Variants in VWA8 observed in about 807,000 individuals in gnomAD.
The protein encoded by VWA8 is von Willebrand factor A domain-containing protein 8.
A neutral mutation model predicts 241.5 loss-of-function variants in VWA8; 221 were observed. The observed-to-expected ratio is 0.91, with a 90% CI of 0.82 to 1.02. The LOEUF is 1.02. VWA8 is among the 50% of genes least tolerant of loss of function. VWA8 has a pLI of 0.00. For synonymous variants in VWA8, 852 were observed against 827.1 expected (o/e 1.03, Z -0.52); for missense variants, 2,322 against 2,328.7 (o/e 1.00, Z 0.06).
At chr13:41,938,646 G>A (rs1037988553) in intron 2 of VWA8, among the ~76,000 whole-genome samples, 7 of 144,510 alleles carry the variant, frequency 4.8e-5, no homozygotes, top group Admixed American at 1.4e-4. Context: ...GTGAGACTGC[G>A]TCTCAAAAAA....
At chr13:41,650,016 G>C (rs1359849593) in intron 37 of VWA8, among the ~76,000 whole-genome samples, 1 of 151,866 alleles carries the variant, frequency 6.6e-6, no homozygotes, top group Non-Finnish European at 1.5e-5. Flanking sequence ...CCCTTCAAAG[G>C]GTCATTATAC....
chr13:41,925,683 C>T, intron 2 of VWA8: 1 of 189,340 alleles, frequency 5.3e-6, no homozygotes. Context: ...TCCCTGAAAG[C>T]CAAGAAGAAA....
intron 26 of VWA8, among the ~76,000 whole-genome samples, chr13:41,710,554 G>A (rs1197289259): frequency 1.3e-5 from 2 of 152,148 alleles, no homozygotes; most frequent in African/African-American, 2.4e-5. Flanking sequence ...CTTTTGAGAT[G>A]TCATTAAGTA....
chr13:41,863,455 T>TATATATATACA (rs1566485517), intron 12 of VWA8, among the ~76,000 whole-genome samples: 1 of 87,154 alleles, frequency 1.1e-5, no homozygotes, highest in African/African-American at 4.3e-5. Flanking sequence ...ATATATATAT[T>TATATATATACA]CACACACACA....
At chr13:41,609,411 C>A (rs534386460) in intron 39 of VWA8, among the ~76,000 whole-genome samples, 1 of 152,152 alleles carries the variant, frequency 6.6e-6, no homozygotes, top group African/African-American at 2.4e-5. Context: ...TTATATTATG[C>A]AGATACACTT....
intron 34 of VWA8, among the ~76,000 whole-genome samples, chr13:41,687,960 T>C (rs2045148147): frequency 6.6e-6 from 1 of 152,150 alleles, no homozygotes; most frequent in Admixed American, 6.6e-5. Context: ...TACTTCTATA[T>C]TGATTTCTTC....
chr13:41,841,859 A>ATATATAT (rs1566478204), intron 12 of VWA8, among the ~76,000 whole-genome samples: 52 of 74,216 alleles, frequency 7.0e-4, no homozygotes, highest in Non-Finnish European at 9.7e-4. Flanking sequence ...ATATATATAT[A>ATATATAT]AAAACAGTAG....
At chr13:41,640,631 T>C (rs1410424023) in intron 37 of VWA8, among the ~76,000 whole-genome samples, 1 of 152,204 alleles carries the variant, frequency 6.6e-6, no homozygotes, top group Non-Finnish European at 1.5e-5. Flanking sequence ...TTTTTACCCA[T>C]TTTAAAACAC....
At chr13:41,722,234 G>A (rs1171064151) in intron 24 of VWA8, among the ~76,000 whole-genome samples, 1 of 152,132 alleles carries the variant, frequency 6.6e-6, no homozygotes, top group Non-Finnish European at 1.5e-5. Flanking sequence ...TAGAGACATT[G>A]TCTGAATTAA....
intron 2 of VWA8, among the ~76,000 whole-genome samples, chr13:41,940,446 A>T (rs1224236178): frequency 6.6e-6 from 1 of 152,122 alleles, no homozygotes; most frequent in Non-Finnish European, 1.5e-5. Context: ...AAAAAAGTCC[A>T]TCAAAATTCT....
intron 1 of VWA8, among the ~76,000 whole-genome samples, chr13:41,954,339 C>T (rs1232759740): frequency 6.6e-6 from 1 of 152,202 alleles, no homozygotes; most frequent in African/African-American, 2.4e-5. Context: ...ACTCAACAAA[C>T]ACACAGAAAC....
intron 44 of VWA8, 170 bp from the exon 45 acceptor site, chr13:41,568,475 G>T: frequency 2.0e-6 from 1 of 489,672 alleles, no homozygotes; most frequent in Non-Finnish European, 3.6e-6. Flanking sequence ...ACAATGAAAG[G>T]CTTGGAAGAG....
chr13:41,800,060 C>T (rs1346051623), intron 17 of VWA8, among the ~76,000 whole-genome samples: 1 of 152,158 alleles, frequency 6.6e-6, no homozygotes, highest in Non-Finnish European at 1.5e-5. Context: ...ATGTATCTGG[C>T]TTCTTTCACT....
chr13:41,567,409 C>G lies in VWA8; in HGVS notation c.*788G>C, dbSNP rs1419598560. ...ATTATTTTGAGCATTACAGTTTGGA[C>G]CCCAAAATGGAGTACTGTGAATTTT... On this transcript the variant is annotated 3_prime_UTR_variant, in exon 45 of 45. Transcript: ENST00000379310. 1 of 152,098 alleles carries G rather than the reference C, an allele frequency of 6.6e-6. No homozygotes were observed. The highest frequency in any genetic ancestry group is 2.4e-5 in the African/African-American group (1 of 41,408). The allele number at this position is 152,098 out of a possible 1,614,324, so 9.4% of individuals were successfully genotyped here.
chr13:41,684,742 A>G (rs1462353858), intron 35 of VWA8, among the ~76,000 whole-genome samples: 1 of 152,192 alleles, frequency 6.6e-6, no homozygotes, highest in African/African-American at 2.4e-5. Context: ...GGCAGGCCTC[A>G]GTTTCTATGC....
chr13:41,711,975 A>G (rs2045321781), intron 26 of VWA8, among the ~76,000 whole-genome samples: 1 of 150,892 alleles, frequency 6.6e-6, no homozygotes. Context: ...GCAAATCCTT[A>G]TTGCAGGAGA....
chr13:41,807,905 T>A (rs1870288175), intron 17 of VWA8: 1 of 152,182 alleles, frequency 6.6e-6, no homozygotes, highest in Non-Finnish European at 1.5e-5. Context: ...CCTGTGTCGA[T>A]CAGCAGGGAG....
Position 41,830,631 on chromosome 13 carries a change from T to A in VWA8, c.1598A>T (p.Asp533Val), listed in dbSNP as rs898504770. The A allele has an allele frequency of 6.2e-7, 1 of 1,613,420 alleles. No individual in the cohort carries two copies. Among genetic ancestry groups the A allele is most frequent in the Admixed American group, 1.7e-5 (1 of 59,984 alleles). The change falls in exon 14 of 45, where the codon GAT (aspartate) becomes GTT (valine). Residue 533 changes from aspartate to valine, a missense_variant. By Grantham distance (152) the Asp-to-Val change is radical (BLOSUM62 -3). Transcript: ENST00000379310. The part of the protein sequence containing the change: ...TLAVLQRLIH[D>V]RELSLYDGSR... ...ACCATCATAGAGGCTTAGCTCTCGA[T>A]CATGGATTAACCTAACAAGATAAGA... is the stretch of plus-strand genomic sequence containing the variant.
intron 2 of VWA8, among the ~76,000 whole-genome samples, chr13:41,938,607 C>T (rs559821677): frequency 1.5e-4 from 22 of 151,340 alleles, no homozygotes; most frequent in Middle Eastern, 3.4e-3. Flanking sequence ...GCCAAGATTG[C>T]GCCACTGCAC....
Sources: allele counts gnomAD v4.1 joint callset (sites outside exome capture counted in the v4.1 genomes callset), GRCh38; gene constraint gnomAD v4.1.1; transcripts MANE v1.5; gene names NCBI Gene and HGNC (gene_info 2026-07-23, HGNC 2026-07-21).